The following CAB39 variants were observed in gnomAD, a reference collection of about 807,000 sequenced individuals.
The protein encoded by CAB39 is calcium binding protein 39.
A neutral mutation model predicts 40.0 loss-of-function variants in CAB39; 8 were observed. That is an observed-to-expected ratio of 0.20 (90% confidence interval 0.12 to 0.36). CAB39 has a LOEUF of 0.36. Among genes scored for constraint, CAB39 ranks in the 10% least tolerant of loss-of-function variants. The probability of loss-of-function intolerance (pLI) is 1.00; values close to 1 mark genes in which losing one functional copy is unlikely to be tolerated. For synonymous variants in CAB39, 156 were observed against 141.6 expected, an observed-to-expected ratio of 1.10 and a Z score of -0.72; for missense variants, 270 against 401.1, an observed-to-expected ratio of 0.67 and a Z score of 2.79.
At position 230,777,554 on chromosome 2, in the gene CAB39, G is replaced by C. The variant is rs557772544; in HGVS notation, c.115-13318G>C. 2.0e-3 allele frequency among the ~76,000 whole-genome samples: 304 copies of C among 151,820 alleles called. 1 individual carries two copies. Among genetic ancestry groups the C allele is most frequent in the African/African-American group, 6.8e-3 (280 of 41,376 alleles). ...TGTGCCTCAGCCTCCCAAGTAGCTGGGATTACAGGTACCTGGCTGATTTTC... is the reference window on the plus strand; with the variant it reads ...TGTGCCTCAGCCTCCCAAGTAGCTGCGATTACAGGTACCTGGCTGATTTTC... On this transcript the variant is annotated intron_variant, in intron 2 of 8. Transcript: ENST00000258418.
At chr2:230,763,085 T>C (rs972274550) in intron 2 of CAB39, among the ~76,000 whole-genome samples, 2 of 152,212 alleles carry the variant, frequency 1.3e-5, no homozygotes, top group Non-Finnish European at 2.9e-5. Context: ...TATTAATACA[T>C]TTAAAAGTAA....
intron 5 of CAB39, among the ~76,000 whole-genome samples, chr2:230,809,402 T>G (rs1696265676): frequency 6.6e-6 from 1 of 152,230 alleles, no homozygotes. Context: ...CTATCTTCTT[T>G]AGCAGTGGTA....
chr2:230,726,636 A>T (rs1694577660), intron 1 of CAB39, among the ~76,000 whole-genome samples: 1 of 152,156 alleles, frequency 6.6e-6, no homozygotes, highest in Non-Finnish European at 1.5e-5. Flanking sequence ...AACTGTTAGC[A>T]TCTTCCTGTA....
intron 1 of CAB39, among the ~76,000 whole-genome samples, chr2:230,715,241 T>C (rs1368563527): frequency 6.6e-6 from 1 of 152,234 alleles, no homozygotes; most frequent in Non-Finnish European, 1.5e-5. Flanking sequence ...CTGACAAGGT[T>C]GTATTATTTA....
At chr2:230,793,477 T>C (rs936584828) in intron 4 of CAB39, 146 bp downstream of exon 4, 5 of 425,984 alleles carry the variant, frequency 1.2e-5, no homozygotes, top group East Asian at 3.6e-5. Flanking sequence ...TTTCCCTCCT[T>C]GAAATTCAAC....
intron 5 of CAB39, among the ~76,000 whole-genome samples, chr2:230,802,685 A>G (rs1696112646): frequency 6.6e-6 from 1 of 152,200 alleles, no homozygotes; most frequent in Non-Finnish European, 1.5e-5. Flanking sequence ...CTGGACACAT[A>G]CACCTTCCCA....
chr2:230,720,548 A>G (rs1421629998), intron 1 of CAB39, among the ~76,000 whole-genome samples: 1 of 151,786 alleles, frequency 6.6e-6, no homozygotes, highest in African/African-American at 2.4e-5. Flanking sequence ...CGATTCTCCT[A>G]CCTCAGCTTC....
At chr2:230,768,928 A>G (rs1283502109) in intron 2 of CAB39, among the ~76,000 whole-genome samples, 2 of 152,230 alleles carry the variant, frequency 1.3e-5, no homozygotes, top group Non-Finnish European at 2.9e-5. Flanking sequence ...ATTGAATATA[A>G]ATGGTCTGAA....
In CAB39 at chr2:230,718,950, C is replaced by T. The variant is rs373391805; in HGVS notation, c.-44+5720C>T. On this transcript the variant is annotated intron_variant, in intron 1 of 8. Coordinates refer to ENST00000258418, the MANE Select transcript of CAB39 (RefSeq NM_016289.4). ...CAGTTTACTTGAATTAAGTATCATACTTTATGCAGTAATGTCTTCTTTTGG... is the reference window on the plus strand; with the variant it reads ...CAGTTTACTTGAATTAAGTATCATATTTTATGCAGTAATGTCTTCTTTTGG... 3.3e-4 allele frequency among the ~76,000 whole-genome samples: 50 copies of T among 152,270 alleles called. 1 individual carries two copies. Among genetic ancestry groups the T allele is most frequent in the African/African-American group, 1.2e-3 (50 of 41,554 alleles).
chr2:230,771,185 G>A (rs115189477), intron 2 of CAB39, among the ~76,000 whole-genome samples: 1,754 of 152,238 alleles, frequency 0.012, 41 homozygotes, highest in African/African-American at 0.038. Flanking sequence ...TAAGTTTAGC[G>A]AGTCACAGGT....
At chr2:230,791,650 G>GT (rs765539812) in intron 3 of CAB39, among the ~76,000 whole-genome samples, 1 of 152,178 alleles carries the variant, frequency 6.6e-6, no homozygotes, top group Non-Finnish European at 1.5e-5. Flanking sequence ...CTAGAGCAGA[G>GT]TAGCATCACA....
intron 5 of CAB39, among the ~76,000 whole-genome samples, chr2:230,799,654 A>T (rs754441281): frequency 3.9e-5 from 6 of 152,206 alleles, no homozygotes; most frequent in African/African-American, 9.6e-5. Flanking sequence ...CCCTTATATA[A>T]ATTGCCTAAC....
At chr2:230,807,459 G>A (rs1696221079) in intron 5 of CAB39, among the ~76,000 whole-genome samples, 1 of 147,828 alleles carries the variant, frequency 6.8e-6, no homozygotes, top group Non-Finnish European at 1.5e-5. Flanking sequence ...TTAACAAAGG[G>A]TTTTCATCCT....
intron 3 of CAB39, 87 bp from the exon 4 acceptor site, chr2:230,793,126 A>G (rs889476880): frequency 5.6e-6 from 4 of 718,606 alleles, no homozygotes; most frequent in African/African-American, 1.8e-5. Flanking sequence ...AATAAGTACA[A>G]TGGCCTTATT....
chr2:230,769,105 T>C (rs916882521), intron 2 of CAB39, among the ~76,000 whole-genome samples: 16 of 152,190 alleles, frequency 1.1e-4, no homozygotes, highest in Non-Finnish European at 1.6e-4. Context: ...CTGGAGGGGC[T>C]GTACTAATAG....
intron 1 of CAB39, among the ~76,000 whole-genome samples, chr2:230,742,221 C>A (rs536024174): frequency 6.6e-6 from 1 of 152,232 alleles, no homozygotes; most frequent in Non-Finnish European, 1.5e-5. Flanking sequence ...GTCGCCCAGG[C>A]TGGAGTGCAG....
In CAB39 at chr2:230,818,940, CTG is replaced by C. The variant is rs1484191076; in HGVS notation, c.*239_*240del. The C allele has an allele frequency of 1.2e-4, 52 of 423,754 alleles. 1 individual carries two copies. The highest frequency in any genetic ancestry group is 8.7e-4 in the South Asian group (37 of 42,526). 26.2% of individuals were successfully genotyped at this position (423,754 alleles called of 1,614,324 possible). ...TTTGTGTCATTTCAGAATTCAAAGA[CTG>C]TGCTACGGGAGTTCTGAACATGGCT... On this transcript the variant is annotated 3_prime_UTR_variant, in exon 9 of 9. Transcript: ENST00000258418.
At chr2:230,759,160 C>G (rs963914132) in intron 1 of CAB39, among the ~76,000 whole-genome samples, 2 of 152,176 alleles carry the variant, frequency 1.3e-5, no homozygotes, top group Non-Finnish European at 2.9e-5. Context: ...TACATCTTGA[C>G]AACTGTCACA....
chr2:230,716,332 C>G (rs1694349342), intron 1 of CAB39, among the ~76,000 whole-genome samples: 1 of 152,134 alleles, frequency 6.6e-6, no homozygotes, highest in Admixed American at 6.5e-5. Flanking sequence ...TTTTGATCAA[C>G]TTTTGTGGGA....
Sources: allele counts gnomAD v4.1 joint callset (sites outside exome capture counted in the v4.1 genomes callset), GRCh38; gene constraint gnomAD v4.1.1; transcripts MANE v1.5; gene names NCBI Gene and HGNC (gene_info 2026-07-23, HGNC 2026-07-21).